The following MAP1B variants were observed in gnomAD, a reference collection of about 807,000 sequenced individuals.
MAP1B encodes the protein microtubule-associated protein 1B.
MAP1B carries 12 observed loss-of-function variants against 176.1 expected under a neutral mutation model. The observed-to-expected ratio is 0.07, with a 90% CI of 0.04 to 0.11. The LOEUF is 0.11. Ranked by LOEUF, MAP1B falls within the 10% of genes least tolerant of loss-of-function variation. The pLI is 1.00. For missense variants in MAP1B, 2,523 were observed against 2,990.5 expected, an observed-to-expected ratio of 0.84 and a Z score of 3.65; for synonymous variants, 1,044 against 1,135.0, an observed-to-expected ratio of 0.92 and a Z score of 1.61.
intron 1 of MAP1B, among the ~76,000 whole-genome samples, chr5:72,109,144 T>C (rs1745250158): frequency 6.6e-6 from 1 of 152,012 alleles, no homozygotes; most frequent in South Asian, 2.1e-4. Flanking sequence ...CGGCCACTTG[T>C]CCCCAGAACA....
Position 72,199,747 on chromosome 5 carries a change from C to T in MAP1B, c.6392C>T (p.Pro2131Leu), listed in dbSNP as rs747707013. The change falls in exon 5 of 7, where the codon CCG (proline) becomes CTG (leucine). Residue 2131 changes from proline to leucine, a missense_variant. By Grantham distance (98) the Pro-to-Leu change is moderately conservative (BLOSUM62 -3). Coordinates refer to ENST00000296755, the MANE Select transcript of MAP1B (RefSeq NM_005909.5). This position sits in a 1 kb window ranked among gnomAD's most constrained non-coding sequence, Gnocchi z 4.2. ...KPLTQSGGAP[P>L]PPGGKQQGRQ... is the part of the protein sequence containing the mutation. ...CTCACTCAATCAGGGGGAGCCCCAC[C>T]GCCTCCAGGAGGAAAGCAACAGGGC... The T allele has an allele frequency of 1.2e-5, 20 of 1,614,000 alleles. No individual in the cohort carries two copies. Among genetic ancestry groups the T allele is most frequent in the Admixed American group, 8.3e-5 (5 of 60,002 alleles).
rs748172679 is a variant in MAP1B at position 72,193,988 on chromosome 5, T to G, written c.633T>G (p.Asn211Lys). ...LDRHNLQDFI[N>K]IKLNSASILP... ...GACACAATCTCCAAGACTTCATCAA[T>G]ATTAAACTCAATTCAGCTTCTATCT... Residue 211 changes from asparagine to lysine, a missense_variant, in exon 5 of 7, where the codon AAT (asparagine) becomes AAG (lysine). By Grantham distance (94) the Asn-to-Lys change is moderately conservative. This residue lies in a region of MAP1B where 307 missense variants were observed against 438.4 expected (regional missense o/e 0.70). Coordinates refer to ENST00000296755, the MANE Select transcript of MAP1B (RefSeq NM_005909.5). 91 of 1,614,084 alleles carry G rather than the reference T, an allele frequency of 5.6e-5. No homozygotes were observed. The South Asian group carries it at 9.4e-4, about 17-fold the overall frequency.
intron 2 of MAP1B, among the ~76,000 whole-genome samples, chr5:72,132,638 G>T (rs1300047455): frequency 2.0e-5 from 3 of 151,952 alleles, no homozygotes; most frequent in African/African-American, 7.3e-5. Context: ...CATTCCACTG[G>T]GGACTTCTTT....
rs1177719984 is a variant in MAP1B at position 72,198,802 on chromosome 5, G to T, written c.5447G>T (p.Ser1816Ile). ...AAAGAGAAAACAGCAACTTGCCACA[G>T]TTCCTCTTCTCCACCAATAGATGCA... ...AVKEKTATCH[S>I]SSSPPIDAAS... Residue 1816 changes from serine to isoleucine, a missense_variant, in exon 5 of 7, where the codon AGT (serine) becomes ATT (isoleucine). Physicochemically the swap from Ser to Ile is moderately radical, Grantham distance 142. Transcript: ENST00000296755. 1.9e-6 allele frequency: 3 copies of T among 1,614,188 alleles called. No individual in the cohort carries two copies. Among genetic ancestry groups the T allele is most frequent in the South Asian group, 2.2e-5 (2 of 91,076 alleles).
intron 2 of MAP1B, among the ~76,000 whole-genome samples, chr5:72,127,806 T>C (rs1212757201): frequency 6.6e-6 from 1 of 152,206 alleles, no homozygotes; most frequent in Non-Finnish European, 1.5e-5. Context: ...GGATTATTAT[T>C]TTTCAAAGTT....
chr5:72,129,055 G>A (rs941363739), intron 2 of MAP1B, among the ~76,000 whole-genome samples: 30 of 152,214 alleles, frequency 2.0e-4, no homozygotes, highest in African/African-American at 7.2e-4. Flanking sequence ...AGAGAGATGA[G>A]AAGTGAGATT....
In MAP1B at chr5:72,198,703, A is replaced by G. The variant is rs1279571734; in HGVS notation, c.5348A>G (p.Asp1783Gly). The change falls in exon 5 of 7, where the codon GAT becomes GGT. Residue 1783 changes from aspartate to glycine, a missense_variant. Around this residue, in one of 4 missense-constraint regions of MAP1B, gnomAD observed 1,925 missense variants for 2,126.0 expected, o/e 0.91. Transcript: ENST00000296755. The stretch of plus-strand genomic sequence containing the variant: ...GGAGAGAAGCTCTCTCCAAAATCTG[A>G]TATCTCTCCACTCACCCCACGAGAG... Reference protein sequence around the residue: ...LEGEKLSPKSDISPLTPRESS... With the variant: ...LEGEKLSPKSGISPLTPRESS... The G allele has an allele frequency of 5.6e-6, 9 of 1,614,160 alleles. No individual in the cohort carries two copies. Among genetic ancestry groups the G allele is most frequent in the Non-Finnish European group, 3.4e-6 (4 of 1,180,036 alleles).
chr5:72,118,506 C>T (rs1745470756), intron 2 of MAP1B, among the ~76,000 whole-genome samples: 1 of 152,200 alleles, frequency 6.6e-6, no homozygotes, highest in South Asian at 2.1e-4. Context: ...ACCTTTATTA[C>T]ACTTATATTC....
rs1469201281 is a variant in MAP1B, at chr5:72,207,702, A to G, written c.*2463A>G. 1.3e-5 allele frequency: 2 copies of G among 152,188 alleles called. No homozygotes were observed. Among genetic ancestry groups the G allele is most frequent in the Non-Finnish European group, 2.9e-5 (2 of 68,036 alleles). 9.4% of individuals were successfully genotyped at this position (152,188 alleles called of 1,614,324 possible). ...TAACACAACCTAAGATACTCAAGATAATTATTTAATGGTTAGCTCTTAAGT... is the reference window on the plus strand; with the variant it reads ...TAACACAACCTAAGATACTCAAGATGATTATTTAATGGTTAGCTCTTAAGT... On this transcript the variant is annotated 3_prime_UTR_variant, in exon 7 of 7. Coordinates refer to ENST00000296755, the MANE Select transcript of MAP1B (RefSeq NM_005909.5).
chr5:72,179,278 C>T (rs573276159), intron 2 of MAP1B, among the ~76,000 whole-genome samples: 6 of 152,292 alleles, frequency 3.9e-5, no homozygotes, highest in East Asian at 3.9e-4. Flanking sequence ...GCCCTCAGAC[C>T]GATGCCGGGG....
At chr5:72,147,145 T>C (rs1746061395) in intron 2 of MAP1B, among the ~76,000 whole-genome samples, 1 of 151,938 alleles carries the variant, frequency 6.6e-6, no homozygotes, top group Non-Finnish European at 1.5e-5. Flanking sequence ...ATTTTTGTAT[T>C]TTTAGTAGAG....
At chr5:72,137,309 A>AACCTTGAGT (rs1372333537) in intron 2 of MAP1B, among the ~76,000 whole-genome samples, 2 of 152,210 alleles carry the variant, frequency 1.3e-5, no homozygotes, top group Admixed American at 6.5e-5. Flanking sequence ...ATTTCTGTAG[A>AACCTTGAGT]ACCTTGAGTG....
Position 72,196,239 on chromosome 5 carries a change from G to C in MAP1B, c.2884G>C (p.Val962Leu). Residue 962 changes from valine to leucine, a missense_variant, in exon 5 of 7, where the codon GTA becomes CTA. Physicochemically the swap from Val to Leu is conservative, Grantham distance 32. Coordinates refer to ENST00000296755, the MANE Select transcript of MAP1B (RefSeq NM_005909.5). The surrounding 1 kb of genome is among the most constrained non-coding windows in gnomAD (Gnocchi z 5.3). ...GCCAGAAGAGGATGGGGAGGAACAC[G>C]TATGTGTGAGCGCCTCCAAGCACAG... The part of the protein sequence containing the change: ...EEPEEDGEEH[V>L]CVSASKHSPT... The C allele has an allele frequency of 6.2e-7, 1 of 1,613,844 alleles. No homozygotes were observed. The highest frequency in any genetic ancestry group is 8.5e-7 in the Non-Finnish European group (1 of 1,180,028).
chr5:72,107,579 C>T lies in MAP1B; in HGVS notation c.48C>T (p.Ser16=). 6.3e-7 allele frequency: 1 copy of T among 1,590,994 alleles called. No homozygotes were observed. The highest frequency in any genetic ancestry group is 8.5e-7 in the Non-Finnish European group (1 of 1,174,694). Residue 16 remains serine, a synonymous_variant, in exon 1 of 7, where the codon AGC becomes AGT. Coordinates refer to ENST00000296755, the MANE Select transcript of MAP1B (RefSeq NM_005909.5). ...VEATEPEPSG[S]IANPAASTSP... ...CCACCGAGCCGGAGCCGTCCGGCAGCATCGCCAACCCGGCGGCGTCCACCT... is the reference window on the plus strand; with the variant it reads ...CCACCGAGCCGGAGCCGTCCGGCAGTATCGCCAACCCGGCGGCGTCCACCT...
intron 2 of MAP1B, among the ~76,000 whole-genome samples, chr5:72,170,874 G>GA (rs1475263469): frequency 7.5e-6 from 1 of 133,230 alleles, no homozygotes; most frequent in Non-Finnish European, 1.8e-5. Flanking sequence ...TTGAACCCAG[G>GA]AGGCAGAGGT....
chr5:72,118,611 G>A (rs1745472414), intron 2 of MAP1B, among the ~76,000 whole-genome samples: 1 of 150,700 alleles, frequency 6.6e-6, no homozygotes, highest in South Asian at 2.1e-4. Flanking sequence ...TTTTTGGGAG[G>A]TTTGGGTTTA....
In MAP1B at chr5:72,196,051, C is replaced by T. The variant is rs1747157285; in HGVS notation, c.2696C>T (p.Thr899Ile). The stretch of plus-strand genomic sequence containing the variant: ...TCCCCTGATGAGGGAATCACTACCA[C>T]TGAAGGGGAGGGCGAATGTGAACAG... The part of the protein sequence containing the change: ...AESPDEGITT[T>I]EGEGECEQTP... The change falls in exon 5 of 7, where the codon ACT becomes ATT. Residue 899 changes from threonine (T) to isoleucine (I), a missense_variant. Thr to Ile is a moderately conservative substitution (Grantham distance 89). Transcript: ENST00000296755. The surrounding 1 kb of genome is among the most constrained non-coding windows in gnomAD (Gnocchi z 5.3). 5 of 1,614,060 alleles carry T rather than the reference C, an allele frequency of 3.1e-6. No individual in the cohort carries two copies. Among genetic ancestry groups the T allele is most frequent in the Admixed American group, 1.7e-5 (1 of 60,006 alleles).
chr5:72,189,028 C>T (rs1746970229), intron 4 of MAP1B, among the ~76,000 whole-genome samples: 1 of 152,196 alleles, frequency 6.6e-6, no homozygotes, highest in Non-Finnish European at 1.5e-5. Flanking sequence ...CCTTGAAGAC[C>T]ACTTGTTGTC....
intron 2 of MAP1B, among the ~76,000 whole-genome samples, chr5:72,155,228 C>A (rs1206309376): frequency 6.6e-6 from 1 of 152,128 alleles, no homozygotes; most frequent in African/African-American, 2.4e-5. Flanking sequence ...ATTTTGCTCC[C>A]CCCAGAGTAC....
Sources: gnomAD v4.1 joint callset for allele counts (sites outside exome capture counted in the v4.1 genomes callset) on GRCh38, gnomAD v4.1.1 for gene constraint, gnomAD v4.1.1 regional missense constraint, Gnocchi (gnomAD v3.1) non-coding constraint, MANE v1.5 for transcripts, NCBI Gene and HGNC (gene_info 2026-07-23, HGNC 2026-07-21) for gene names.